The following NIN variants were observed in gnomAD, a reference collection of about 807,000 sequenced individuals.
NIN encodes ninein, also known as glycogen synthase kinase 3 beta-interacting protein.
A neutral mutation model predicts 257.6 loss-of-function variants in NIN; 137 were observed. The observed-to-expected ratio is 0.53, with a 90% CI of 0.46 to 0.61. NIN has a LOEUF of 0.61. NIN is among the 20% of genes least tolerant of loss of function. The pLI, the probability that NIN is intolerant of heterozygous loss-of-function variation, is 0.00. For synonymous variants in NIN, 918 were observed against 919.8 expected (o/e 1.00, Z 0.04); for missense variants, 2,439 against 2,501.2 (o/e 0.98, Z 0.53).
chr14:50,747,843 C>CA, intron 22 of NIN, 149 bp downstream of exon 22: 1 of 595,982 alleles, frequency 1.7e-6, no homozygotes, highest in Non-Finnish European at 3.0e-6. Context: ...TTTAGGTCCT[C>CA]AACTTTGCCA....
At chr14:50,745,893 C>T (rs755210398) in intron 22 of NIN, among the ~76,000 whole-genome samples, 82 of 152,256 alleles carry the variant, frequency 5.4e-4, no homozygotes, top group Middle Eastern at 3.4e-3. Flanking sequence ...TCTAGGTCCA[C>T]GTTGTATAAT....
intron 7 of NIN, 23 bp from the exon 8 acceptor site, chr14:50,773,118 T>G: frequency 6.2e-7 from 1 of 1,600,022 alleles, no homozygotes; most frequent in East Asian, 2.2e-5. Flanking sequence ...CATCACATAT[T>G]TTAAATACTC....
intron 16 of NIN, among the ~76,000 whole-genome samples, chr14:50,760,644 C>A (rs2042241127): frequency 6.6e-6 from 1 of 152,066 alleles, no homozygotes; most frequent in Admixed American, 6.5e-5. Flanking sequence ...TCTTCCCATG[C>A]ATCCTTTCCA....
At chr14:50,735,437 G>C in intron 28 of NIN, 79 bp downstream of exon 28, 1 of 1,529,288 alleles carries the variant, frequency 6.5e-7, no homozygotes, top group Non-Finnish European at 8.8e-7. Context: ...TCAATGCCAT[G>C]TCTAGTCTCT....
chr14:50,752,179 T>A (rs1205030529), intron 21 of NIN, among the ~76,000 whole-genome samples: 1 of 151,392 alleles, frequency 6.6e-6, no homozygotes, highest in Non-Finnish European at 1.5e-5. Flanking sequence ...TTATATTTAG[T>A]CTCCTAATCC....
intron 2 of NIN, among the ~76,000 whole-genome samples, chr14:50,830,179 C>T (rs2045637810): frequency 1.3e-5 from 2 of 152,246 alleles, no homozygotes; most frequent in South Asian, 4.1e-4. Context: ...ACCACCACCC[C>T]TTCTGCTCCC....
At chr14:50,817,071 G>A (rs2044936445) in intron 3 of NIN, among the ~76,000 whole-genome samples, 1 of 152,170 alleles carries the variant, frequency 6.6e-6, no homozygotes, top group South Asian at 2.1e-4. Context: ...CTAGATCCAA[G>A]TCTACATATG....
rs1268198913 is a variant in NIN at position 50,744,343 on chromosome 14, G to C, written c.5087C>G (p.Ser1696Cys). 1 of 1,614,042 alleles carries C rather than the reference G, an allele frequency of 6.2e-7. No homozygotes were observed. The highest frequency in any genetic ancestry group is 8.5e-7 in the Non-Finnish European group (1 of 1,179,964). The change falls in exon 23 of 31, where the codon TCT becomes TGT. Residue 1696 changes from serine to cysteine, a missense_variant. This residue lies in a region of NIN where 2,043 missense variants were observed against 2,050.2 expected (regional missense o/e 1.00). Transcript: ENST00000530997. Reference sequence around the variant, plus strand: ...ACTAGAGATTTTTTGCTGGAAGTCAGAGAGATCGGGACATCTGTGCAGCTG... The same window carrying C: ...ACTAGAGATTTTTTGCTGGAAGTCACAGAGATCGGGACATCTGTGCAGCTG... ...MKQLHRCPDL[S>C]DFQQKISSVL...
At chr14:50,750,840 C>T (rs765473668) in intron 21 of NIN, among the ~76,000 whole-genome samples, 17 of 152,196 alleles carry the variant, frequency 1.1e-4, no homozygotes, top group Non-Finnish European at 2.2e-4. Flanking sequence ...AAGATAAACT[C>T]AGAGAAGTGT....
intron 3 of NIN, among the ~76,000 whole-genome samples, chr14:50,818,485 T>C (rs995174180): frequency 6.6e-6 from 1 of 152,174 alleles, no homozygotes; most frequent in African/African-American, 2.4e-5. Context: ...ACTTGGTTCA[T>C]GGTTCCCCTC....
intron 28 of NIN, among the ~76,000 whole-genome samples, chr14:50,730,049 C>T (rs114859362): frequency 0.015 from 1,214 of 82,990 alleles, 17 homozygotes; most frequent in African/African-American, 0.067. Context: ...GGAATAATTA[C>T]CTCCCCCCTT....
rs1358479324 is a variant in NIN at position 50,721,598 on chromosome 14, A to C, written c.*1865T>G. On this transcript the variant is annotated 3_prime_UTR_variant, in exon 31 of 31. Coordinates refer to ENST00000530997, the MANE Select transcript of NIN (RefSeq NM_020921.4). ...AAAGCTAATGCCATACAAGTAGTCA[A>C]ACACTTACTAGAAATGTCTGCACCA... The C allele has an allele frequency of 4.6e-6, 1 of 217,800 alleles. No individual in the cohort carries two copies. Among genetic ancestry groups the C allele is most frequent in the Non-Finnish European group, 9.3e-6 (1 of 108,000 alleles). 13.5% of individuals were successfully genotyped at this position (217,800 alleles called of 1,614,324 possible). A position where few individuals can be genotyped will look rare whatever the true frequency, so the allele number is the denominator to read the frequency against.
intron 25 of NIN, 68 bp from the exon 26 acceptor site, chr14:50,739,555 G>A: frequency 6.7e-7 from 1 of 1,491,610 alleles, no homozygotes; most frequent in Non-Finnish European, 9.2e-7. Flanking sequence ...TGAGACAGGT[G>A]TCATGTTTAC....
Position 50,766,786 on chromosome 14 carries a change from T to C in NIN, c.1539A>G (p.Ala513=). The change falls in exon 13 of 31, where the codon GCA becomes GCG. Residue 513 remains alanine (A), a synonymous_variant. Transcript: ENST00000530997. ...GAGATTTGAACAGGTTTACCTTTTC[T>C]GCTAACACATTTTCCAAATTTCTCT... The part of the protein sequence containing the change: ...KLQRNLENVL[A]EKFGDLDPSS... 1 of 1,607,630 alleles carries C rather than the reference T, an allele frequency of 6.2e-7. No homozygotes were observed. Among genetic ancestry groups the C allele is most frequent in the South Asian group, 1.1e-5 (1 of 90,928 alleles).
Position 50,756,752 on chromosome 14 carries a change from C to A in NIN, c.4278G>T (p.Gln1426His). ...TGTTTTCCTCCAGTATAACTTGATT[C>A]TGTACTCTTGGCCTTTCTTGATGTG... ...IQTHQERPRV[Q>H]NQVILEENTT... The change falls in exon 18 of 31, where the codon CAG becomes CAT. Residue 1426 changes from glutamine to histidine, a missense_variant. Transcript: ENST00000530997. 6.4e-7 allele frequency: 1 copy of A among 1,551,576 alleles called. No individual in the cohort carries two copies. The highest frequency in any genetic ancestry group is 1.2e-5 in the South Asian group (1 of 84,064).
chr14:50,729,120 A>G (rs2040559528), intron 29 of NIN, among the ~76,000 whole-genome samples: 1 of 152,230 alleles, frequency 6.6e-6, no homozygotes, highest in African/African-American at 2.4e-5. Context: ...TTTATTACAA[A>G]TGGGCAAATC....
chr14:50,810,806 G>A (rs1035820255), intron 3 of NIN, among the ~76,000 whole-genome samples: 7 of 151,748 alleles, frequency 4.6e-5, no homozygotes, highest in Admixed American at 2.0e-4. Context: ...GACTACAGGC[G>A]CCCACCACCA....
chr14:50,804,392 G>C (rs970423567), intron 4 of NIN, among the ~76,000 whole-genome samples: 1 of 152,202 alleles, frequency 6.6e-6, no homozygotes, highest in African/African-American at 2.4e-5. Context: ...GTTTTATCCT[G>C]CCAGGACAAA....
chr14:50,815,859 A>T (rs1566877640), intron 3 of NIN, among the ~76,000 whole-genome samples: 1 of 152,102 alleles, frequency 6.6e-6, no homozygotes, highest in Non-Finnish European at 1.5e-5. Context: ...GATACAAAAA[A>T]TTAGCTGGGC....
Sources: gnomAD v4.1 joint callset for allele counts (sites outside exome capture counted in the v4.1 genomes callset) on GRCh38, gnomAD v4.1.1 for gene constraint, gnomAD v4.1.1 regional missense constraint, MANE v1.5 for transcripts, NCBI Gene and HGNC (gene_info 2026-07-23, HGNC 2026-07-21) for gene names.